The following GFRA2 variants were observed in gnomAD, a reference collection of about 807,000 sequenced individuals.
The protein encoded by GFRA2 is GDNF family receptor alpha 2, also known as GDNF family receptor alpha-2.
Under a neutral mutation model 48.3 loss-of-function variants are expected in GFRA2, and 17 were observed. The ratio of observed to expected loss-of-function variants is 0.35; its 90% CI spans 0.24 to 0.53. GFRA2 has a LOEUF of 0.53. Among genes scored for constraint, GFRA2 ranks in the 20% least tolerant of loss-of-function variants. The pLI is 0.93. For missense variants in GFRA2, 660 were observed against 637.3 expected (o/e 1.04, Z -0.38); for synonymous variants, 305 against 257.2 (o/e 1.19, Z -1.78).
chr8:21,694,067 T>TATATATATATA (rs1802025193), intron 8 of GFRA2, among the ~76,000 whole-genome samples: 1 of 71,212 alleles, frequency 1.4e-5, no homozygotes, highest in Non-Finnish European at 2.9e-5. Flanking sequence ...ATATATATAT[T>TATATATATATA]TATTTATTTT....
At chr8:21,701,562 G>C (rs1295980433) in intron 7 of GFRA2, among the ~76,000 whole-genome samples, 1 of 152,108 alleles carries the variant, frequency 6.6e-6, no homozygotes, top group Admixed American at 6.5e-5. Flanking sequence ...GTCCTGCCCA[G>C]ACTGACTTAG....
intron 1 of GFRA2, among the ~76,000 whole-genome samples, chr8:21,787,677 AG>A (rs1390699132): frequency 9.2e-5 from 14 of 152,070 alleles, no homozygotes; most frequent in Non-Finnish European, 1.8e-4. Flanking sequence ...CGACTCGGGG[AG>A]CAGACCAGGA....
At chr8:21,781,084 G>T (rs1225352686) in intron 2 of GFRA2, 4 of 152,096 alleles carry the variant, frequency 2.6e-5, no homozygotes, top group Non-Finnish European at 5.9e-5. Context: ...AACCTAGTGA[G>T]ACCCCAATAA....
At chr8:21,790,305 G>C (rs1295814729), upstream of GFRA2, among the ~76,000 whole-genome samples, 1 of 152,316 alleles carries the variant, frequency 6.6e-6, no homozygotes, top group African/African-American at 2.4e-5. Context: ...CCTGGGGTGG[G>C]GTACACGCAG....
chr8:21,782,836 C>T lies in GFRA2; in HGVS notation c.104G>A (p.Arg35His), dbSNP rs1807078119. 9 of 1,570,488 alleles carry T rather than the reference C, an allele frequency of 5.7e-6. No individual in the cohort carries two copies. The highest frequency in any genetic ancestry group is 1.8e-5 in the Admixed American group (1 of 55,234). Residue 35 changes from arginine (R) to histidine (H), a missense_variant, in exon 2 of 9, where the codon CGC (arginine) becomes CAC (histidine). Arg to His is a conservative substitution (Grantham distance 29). Coordinates refer to ENST00000524240, the MANE Select transcript of GFRA2 (RefSeq NM_001495.5). ...GGCCCGGACACAGTCCACTGGGGGGCGCCAGCCGTGGAGCTCGGGGCCCTG... is the reference window on the plus strand; with the variant it reads ...GGCCCGGACACAGTCCACTGGGGGGTGCCAGCCGTGGAGCTCGGGGCCCTG... ...SLQGPELHGW[R>H]PPVDCVRANE...
chr8:21,792,576 G>A (rs1807591748), upstream of GFRA2, among the ~76,000 whole-genome samples: 1 of 152,208 alleles, frequency 6.6e-6, no homozygotes, highest in African/African-American at 2.4e-5. Context: ...GTAGCTATGA[G>A]AAGATACTGA....
chr8:21,699,836 C>T (rs1489838736), intron 7 of GFRA2, among the ~76,000 whole-genome samples: 1 of 152,172 alleles, frequency 6.6e-6, no homozygotes, highest in East Asian at 1.9e-4. Flanking sequence ...TCTCTCCTTC[C>T]ACCTGAACAA....
chr8:21,745,714 G>A (rs993500989), intron 4 of GFRA2, among the ~76,000 whole-genome samples: 4 of 152,110 alleles, frequency 2.6e-5, no homozygotes, highest in Admixed American at 1.3e-4. Context: ...TGCTAACAAC[G>A]GGCATCCATA....
chr8:21,783,262 T>TG (rs1198775681), intron 1 of GFRA2: 2 of 416,920 alleles, frequency 4.8e-6, no homozygotes, highest in Non-Finnish European at 9.2e-6. Context: ...CATGGCTTGC[T>TG]GGGGGGTGCA....
upstream of GFRA2, among the ~76,000 whole-genome samples, chr8:21,790,876 A>G (rs6990378): frequency 0.034 from 5,224 of 152,312 alleles, 305 homozygotes; most frequent in African/African-American, 0.12. Context: ...GTGTAGGTTA[A>G]AAGATAAAAC....
At position 21,774,953 on chromosome 8, in the gene GFRA2, C is replaced by T. The variant is rs964717848; in HGVS notation, c.439+19G>A. Reference sequence around the variant, plus strand: ...GGACGAGAGGAGAACGGGCCAAGTCCCAGTGCGAGCTCACTTACCTGAGAA... The same window carrying T: ...GGACGAGAGGAGAACGGGCCAAGTCTCAGTGCGAGCTCACTTACCTGAGAA... On this transcript the variant is annotated intron_variant, in intron 3 of 8. Transcript: ENST00000524240. 6 of 1,430,964 alleles carry T rather than the reference C, an allele frequency of 4.2e-6. No homozygotes were observed. Among genetic ancestry groups the T allele is most frequent in the Non-Finnish European group, 9.9e-7 (1 of 1,014,140 alleles). 88.6% of individuals were successfully genotyped at this position (1,430,964 alleles called of 1,614,324 possible).
rs77489628 is a variant in GFRA2 at position 21,748,196 on chromosome 8, A to T, written c.794+2392T>A. On this transcript the variant is annotated intron_variant, in intron 4 of 8. Coordinates refer to ENST00000524240, the MANE Select transcript of GFRA2 (RefSeq NM_001495.5). ...TTCCAGCCTCATTACTGAGGTCGAG[A>T]CCCACAAGTCCAAGTGCCCCCTATG... Among the ~76,000 whole-genome samples, 154 of 152,176 alleles carry T rather than the reference A, an allele frequency of 1.0e-3. 2 individuals carry two copies. In the East Asian group the frequency reaches 0.026, roughly 25 times the overall value.
At chr8:21,726,094 C>A (rs1803857115) in intron 4 of GFRA2, among the ~76,000 whole-genome samples, 1 of 152,218 alleles carries the variant, frequency 6.6e-6, no homozygotes, top group Admixed American at 6.5e-5. Flanking sequence ...ATCTCCAGCA[C>A]CTCCCTCTGC....
chr8:21,788,501 G>A lies in GFRA2; in HGVS notation c.-342C>T. ...TCCGGGAAGGCGTGAGTCCCCGCGGGTCCAATTCCCCTGCGCTTCCCAGGA... is the reference window on the plus strand; with the variant it reads ...TCCGGGAAGGCGTGAGTCCCCGCGGATCCAATTCCCCTGCGCTTCCCAGGA... On this transcript the variant is annotated 5_prime_UTR_variant, in exon 1 of 9. Transcript: ENST00000524240. The A allele has an allele frequency of 5.6e-6, 6 of 1,071,600 alleles. No individual in the cohort carries two copies. The highest frequency in any genetic ancestry group is 5.6e-6 in the Non-Finnish European group (5 of 887,056). The allele number at this position is 1,071,600 out of a possible 1,614,324, so 66.4% of individuals were successfully genotyped here.
intron 1 of GFRA2, among the ~76,000 whole-genome samples, chr8:21,809,907 C>T (rs559335737): frequency 5.5e-4 from 83 of 152,280 alleles, no homozygotes; most frequent in Non-Finnish European, 1.0e-3. Flanking sequence ...CACCCTCACC[C>T]AACAACACAA....
At chr8:21,695,910 T>C (rs1802141698) in intron 7 of GFRA2, among the ~76,000 whole-genome samples, 2 of 152,124 alleles carry the variant, frequency 1.3e-5, no homozygotes, top group African/African-American at 4.8e-5. Flanking sequence ...GCCTGACACC[T>C]ACGGACACCC....
intron 3 of GFRA2, among the ~76,000 whole-genome samples, chr8:21,763,103 A>G (rs918296446): frequency 1.3e-5 from 2 of 152,226 alleles, no homozygotes; most frequent in Non-Finnish European, 1.5e-5. Flanking sequence ...CTTCCCAAAA[A>G]CTGAATATAT....
intron 2 of GFRA2, among the ~76,000 whole-genome samples, chr8:21,781,982 G>A (rs1456606838): frequency 2.5e-5 from 3 of 119,174 alleles, no homozygotes; most frequent in African/African-American, 1.3e-4. Flanking sequence ...GTCAGCCATG[G>A]GGTCCAGAAG....
rs73219512 is a variant in GFRA2 at position 21,710,181 on chromosome 8, T to A, written c.795-4140A>T. 7.8e-3 allele frequency among the ~76,000 whole-genome samples: 1,192 copies of A among 152,326 alleles called. 10 individuals are homozygous for A. The highest frequency in any genetic ancestry group is 0.013 in the Non-Finnish European group (894 of 68,020). On this transcript the variant is annotated intron_variant, in intron 4 of 8. Coordinates refer to ENST00000524240, the MANE Select transcript of GFRA2 (RefSeq NM_001495.5). ...GGCTGGCCTGTCATGTCTCTGGGGCTGTGTCCCCAGTGAACAAACAGGGAG... is the reference window on the plus strand; with the variant it reads ...GGCTGGCCTGTCATGTCTCTGGGGCAGTGTCCCCAGTGAACAAACAGGGAG...
Sources: allele counts gnomAD v4.1 joint callset (sites outside exome capture counted in the v4.1 genomes callset), GRCh38; gene constraint gnomAD v4.1.1; transcripts MANE v1.5; gene names NCBI Gene and HGNC (gene_info 2026-07-23, HGNC 2026-07-21).